The following ACTR8 variants were observed in gnomAD, a reference collection of about 807,000 sequenced individuals.
ACTR8 encodes actin-related protein 8.
In ACTR8, 70 loss-of-function variants were observed where a neutral mutation model predicts 84.3. That is an observed-to-expected ratio of 0.83 (90% CI 0.68 to 1.01). The LOEUF (loss-of-function observed/expected upper bound fraction) is 1.01, where lower values mean the gene tolerates loss of function less well. Among genes scored for constraint, ACTR8 ranks in the 50% least tolerant of loss-of-function variants. The probability of loss-of-function intolerance (pLI) is 0.00; values close to 1 mark genes in which losing one functional copy is unlikely to be tolerated. For missense variants in ACTR8, 672 were observed against 775.4 expected (o/e 0.87, Z 1.58); for synonymous variants, 268 against 275.2 (o/e 0.97, Z 0.26).
chr3:53,870,914 A>G lies in ACTR8; in HGVS notation c.1567+318T>C, dbSNP rs1699873822. ...AAAGATTCTATGTGAAATTCCTCAA[A>G]TTATTACACAAATGTGAAAGTACCA... On this transcript the variant is annotated intron_variant, in intron 11 of 12. Transcript: ENST00000335754. The surrounding 1 kb of genome is among the most constrained non-coding windows in gnomAD (Gnocchi z 4.1). Among the ~76,000 whole-genome samples, 1 of 152,234 alleles carries G rather than the reference A, an allele frequency of 6.6e-6. No individual in the cohort carries two copies. The highest frequency in any genetic ancestry group is 2.4e-5 in the African/African-American group (1 of 41,468).
intron 1 of ACTR8, among the ~76,000 whole-genome samples, chr3:53,880,724 G>A (rs1313160281): frequency 2.6e-5 from 4 of 152,140 alleles, no homozygotes; most frequent in African/African-American, 9.7e-5. Context: ...TCTACTGGCT[G>A]GGCCTCCAAC....
chr3:53,868,910 C>T (rs1485270521), intron 12 of ACTR8, 48 bp from the exon 13 acceptor site: 3 of 1,580,718 alleles, frequency 1.9e-6, no homozygotes, highest in Admixed American at 1.8e-5. Flanking sequence ...AAGACATATA[C>T]TCAATCATTT....
chr3:53,881,730 G>A, intron 1 of ACTR8: 1 of 595,630 alleles, frequency 1.7e-6, no homozygotes, highest in Non-Finnish European at 2.9e-6. Context: ...ACAACCAGAC[G>A]GTGGGGCGTG....
intron 10 of ACTR8, 74 bp downstream of exon 10, chr3:53,872,310 T>C (rs928056577): frequency 1.4e-6 from 2 of 1,420,692 alleles, no homozygotes; most frequent in Admixed American, 2.5e-5. Flanking sequence ...CTGATTACAA[T>C]GGCCTATTAA....
intron 1 of ACTR8, chr3:53,881,692 T>A: frequency 1.9e-6 from 1 of 519,034 alleles, no homozygotes; most frequent in East Asian, 3.7e-5. Flanking sequence ...TCGGGGAAGC[T>A]GAGGCCAGAG....
chr3:53,871,575 C>T, intron 10 of ACTR8, 79 bp from the exon 11 acceptor site: 2 of 1,499,310 alleles, frequency 1.3e-6, no homozygotes, highest in East Asian at 4.5e-5. Flanking sequence ...AGATCCCTCC[C>T]TACCCTACTA....
chr3:53,877,796 C>T lies in ACTR8; in HGVS notation c.406-45G>A, dbSNP rs41276461. ...GAAAATTATCTCAATTTATTCAAGG[C>T]GGGGGCAACATAAGGGTCTCCTTTT... is the stretch of plus-strand genomic sequence containing the variant. On this transcript the variant is annotated intron_variant, in intron 3 of 12. Transcript: ENST00000335754. The T allele has an allele frequency of 3.9e-3, 6,023 of 1,536,730 alleles. 19 individuals carry two copies. Among genetic ancestry groups the T allele is most frequent in the Non-Finnish European group, 5.1e-3 (5,637 of 1,112,660 alleles).
downstream of ACTR8, chr3:53,867,032 C>T (rs574941952): frequency 6.6e-6 from 1 of 152,290 alleles, no homozygotes; most frequent in African/African-American, 2.4e-5. Flanking sequence ...TCCAGCTTTA[C>T]AAGTGGACGC....
intron 11 of ACTR8, 74 bp downstream of exon 11, chr3:53,871,158 T>C: frequency 6.4e-7 from 1 of 1,558,132 alleles, no homozygotes; most frequent in South Asian, 1.2e-5. Context: ...CACAAGTATA[T>C]CCTAGACTGA....
In ACTR8 at chr3:53,872,439, GGATCGCCCTGAGATCTGTGCTGCAAA is replaced by G; in HGVS notation, c.1221_1246del (p.Leu408Ter). On this transcript the variant is annotated frameshift_variant, in exon 10 of 13. Coordinates refer to ENST00000335754, the MANE Select transcript of ACTR8 (RefSeq NM_022899.5). LOFTEE classifies it high-confidence loss of function. ...GTAATGTTCATCGTGAGGATCCTCA[GGATCGCCCTGAGATCTGTGCTGCAAA>G]GTCGTCATTTTCTGTCCAACGATTC... The G allele has an allele frequency of 6.2e-7, 1 of 1,611,584 alleles. No individual in the cohort carries two copies. Among genetic ancestry groups the G allele is most frequent in the Non-Finnish European group, 8.5e-7 (1 of 1,179,130 alleles).
At chr3:53,878,888 A>G (rs1335979449) in intron 2 of ACTR8, among the ~76,000 whole-genome samples, 2 of 152,258 alleles carry the variant, frequency 1.3e-5, no homozygotes, top group Non-Finnish European at 2.9e-5. Context: ...AGCCCTCACT[A>G]TAAAACAACT....
rs1699868603 is a variant in ACTR8, at chr3:53,870,607, C to T, written c.1568-462G>A. ...CAGAGGTTGTGGTGAGCCGCAATCA[C>T]GCCATTGCACTCTAGCCTGGGCAAT... On this transcript the variant is annotated intron_variant, in intron 11 of 12. Coordinates refer to ENST00000335754, the MANE Select transcript of ACTR8 (RefSeq NM_022899.5). This position sits in a 1 kb window ranked among gnomAD's most constrained non-coding sequence, Gnocchi z 4.1. Among the ~76,000 whole-genome samples the T allele has an allele frequency of 6.6e-6, 1 of 152,104 alleles. No individual in the cohort carries two copies. Among genetic ancestry groups the T allele is most frequent in the Admixed American group, 6.5e-5 (1 of 15,276 alleles).
chr3:53,876,349 T>C (rs1454597866), intron 6 of ACTR8, among the ~76,000 whole-genome samples: 1 of 151,892 alleles, frequency 6.6e-6, no homozygotes, highest in Non-Finnish European at 1.5e-5. Context: ...AAACCCTGTA[T>C]CTACTAAAAA....
downstream of ACTR8, chr3:53,864,983 T>C (rs767246780): frequency 3.7e-6 from 6 of 1,614,206 alleles, no homozygotes; most frequent in South Asian, 6.6e-5. Flanking sequence ...GTCGTCTTCC[T>C]TCTTTCCAAT....
chr3:53,873,782 G>A (rs748808542), intron 8 of ACTR8, among the ~76,000 whole-genome samples: 3 of 152,056 alleles, frequency 2.0e-5, no homozygotes, highest in Non-Finnish European at 4.4e-5. Context: ...AGGCTTTATC[G>A]TGGGTTGAAA....
Position 53,876,627 on chromosome 3 carries a change from A to G in ACTR8, c.771T>C (p.Gly257=). 2 of 1,566,524 alleles carry G rather than the reference A, an allele frequency of 1.3e-6. No homozygotes were observed. The highest frequency in any genetic ancestry group is 1.7e-6 in the Non-Finnish European group (2 of 1,146,686). The change falls in exon 6 of 13, where the codon GGT becomes GGC. Residue 257 remains glycine (G), a synonymous_variant. Coordinates refer to ENST00000335754, the MANE Select transcript of ACTR8 (RefSeq NM_022899.5). ...CTGGGATATCAGACATACCTGAAAA[A>G]CCCATCTTCATTAGTATCATATTCA... The part of the protein sequence containing the change: ...ELVNMILMKM[G]FSGIVVHQES...
chr3:53,861,459 A>G, the ACTR8 span: 1 of 152,240 alleles, frequency 6.6e-6, no homozygotes, highest in African/African-American at 2.4e-5. Context: ...CAGCTACACC[A>G]GCAGACATGA....
chr3:53,871,325 T>C lies in ACTR8; in HGVS notation c.1474A>G (p.Thr492Ala). 1.2e-6 allele frequency: 2 copies of C among 1,614,258 alleles called. No homozygotes were observed. Among genetic ancestry groups the C allele is most frequent in the South Asian group, 2.2e-5 (2 of 91,090 alleles). The change falls in exon 11 of 13, where the codon ACT (threonine) becomes GCT (alanine). Residue 492 changes from threonine to alanine, a missense_variant. Coordinates refer to ENST00000335754, the MANE Select transcript of ACTR8 (RefSeq NM_022899.5). Reference sequence around the variant, plus strand: ...GCAGTCTTCCTGGACATCAGTGCAGTGAGGGCCTCCTCGGAATCGTTGCCG... The same window carrying C: ...GCAGTCTTCCTGGACATCAGTGCAGCGAGGGCCTCCTCGGAATCGTTGCCG... The part of the protein sequence containing the change: ...MAGNDSEEAL[T>A]ALMSRKTAIS...
rs764625246 is a variant in ACTR8 at position 53,875,844 on chromosome 3, T to G, written c.911+104A>C. 341 of 1,510,440 alleles carry G rather than the reference T, an allele frequency of 2.3e-4. 1 individual carries two copies. Among genetic ancestry groups the G allele is most frequent in the South Asian group, 5.2e-4 (40 of 77,256 alleles). 93.6% of individuals were successfully genotyped at this position (1,510,440 alleles called of 1,614,324 possible). On this transcript the variant is annotated intron_variant, in intron 7 of 12. Coordinates refer to ENST00000335754, the MANE Select transcript of ACTR8 (RefSeq NM_022899.5). ...TGGTTTACCATGCAGACTTTTGAAT[T>G]TATGGTTATCTTATAATTTTTAACC...
Sources: gnomAD v4.1 joint callset for allele counts (sites outside exome capture counted in the v4.1 genomes callset) on GRCh38, gnomAD v4.1.1 for gene constraint, Gnocchi (gnomAD v3.1) non-coding constraint, MANE v1.5 for transcripts, NCBI Gene and HGNC (gene_info 2026-07-23, HGNC 2026-07-21) for gene names.